Variants in ALKBH8 observed in about 807,000 individuals in gnomAD.
ALKBH8 encodes the protein alkB homolog 8, tRNA methyltransferase.
ALKBH8 carries 36 observed loss-of-function variants against 59.8 expected under a neutral mutation model. That is an observed-to-expected ratio of 0.60 (90% CI 0.46 to 0.79). The LOEUF (loss-of-function observed/expected upper bound fraction) is 0.79, where lower values mean the gene tolerates loss of function less well. Among genes scored for constraint, ALKBH8 ranks in the 30% least tolerant of loss-of-function variants. The pLI is 0.00. For synonymous variants in ALKBH8, 276 were observed against 273.6 expected, an observed-to-expected ratio of 1.01 and a Z score of -0.09; for missense variants, 768 against 801.0, an observed-to-expected ratio of 0.96 and a Z score of 0.50.
At chr11:107,525,349 A>G in intron 9 of ALKBH8, 92 bp downstream of exon 9, 1 of 1,192,160 alleles carries the variant, frequency 8.4e-7, no homozygotes, top group Middle Eastern at 2.3e-4. Flanking sequence ...AGAGAGATTC[A>G]GAAAAAGCTC....
intron 10 of ALKBH8, among the ~76,000 whole-genome samples, chr11:107,517,962 T>C (rs752370671): frequency 1.3e-5 from 2 of 152,224 alleles, no homozygotes; most frequent in Non-Finnish European, 1.5e-5. Flanking sequence ...GTTAATTTGC[T>C]AGATTTTGTC....
intron 10 of ALKBH8, among the ~76,000 whole-genome samples, chr11:107,514,837 T>C (rs1475877389): frequency 6.6e-6 from 1 of 151,668 alleles, no homozygotes; most frequent in Non-Finnish European, 1.5e-5. Context: ...AAAAAAAACC[T>C]CAGGGATAGG....
intron 4 of ALKBH8, 100 bp downstream of exon 4, chr11:107,553,747 A>T (rs1864589441): frequency 7.7e-7 from 1 of 1,300,544 alleles, no homozygotes; most frequent in Non-Finnish European, 1.0e-6. Context: ...GGCTAGTTTC[A>T]GTAATTTTGA....
intron 8 of ALKBH8, among the ~76,000 whole-genome samples, chr11:107,529,105 G>C (rs1202023531): frequency 6.6e-6 from 1 of 152,216 alleles, no homozygotes; most frequent in African/African-American, 2.4e-5. Flanking sequence ...TGAAACCAGA[G>C]TGCCTGGCTT....
intron 10 of ALKBH8, among the ~76,000 whole-genome samples, chr11:107,513,855 C>T (rs1862742167): frequency 2.0e-5 from 3 of 152,090 alleles, no homozygotes; most frequent in South Asian, 4.1e-4. Context: ...CACATGGACA[C>T]GAAGAAGGGA....
At chr11:107,537,796 T>G (rs1425828722) in intron 7 of ALKBH8, among the ~76,000 whole-genome samples, 1 of 152,014 alleles carries the variant, frequency 6.6e-6, no homozygotes, top group Non-Finnish European at 1.5e-5. Context: ...TGTCACACAA[T>G]ATGAAGACAA....
Position 107,515,875 on chromosome 11 carries a change from G to A in ALKBH8, c.1288-4839C>T, listed in dbSNP as rs573739726. ...TTCCTCTCATACAAAATACAAATTG[G>A]CTCAACCATTTAAAAGAGCAATTAG... On this transcript the variant is annotated intron_variant, in intron 10 of 11. Transcript: ENST00000428149. 3.3e-5 allele frequency among the ~76,000 whole-genome samples: 5 copies of A among 152,136 alleles called. No homozygotes were observed. In the South Asian group the frequency reaches 1.0e-3, roughly 32 times the overall value.
At chr11:107,552,806 A>C (rs1184350104) in intron 5 of ALKBH8, among the ~76,000 whole-genome samples, 1 of 152,206 alleles carries the variant, frequency 6.6e-6, no homozygotes, top group Non-Finnish European at 1.5e-5. Context: ...TATGAAAGCT[A>C]AAAACCAGAA....
intron 10 of ALKBH8, among the ~76,000 whole-genome samples, chr11:107,517,815 A>G (rs1445779005): frequency 6.6e-6 from 1 of 152,214 alleles, no homozygotes; most frequent in Non-Finnish European, 1.5e-5. Flanking sequence ...TTTAGATAGG[A>G]GGAATAAATT....
intron 7 of ALKBH8, among the ~76,000 whole-genome samples, chr11:107,538,684 G>A (rs537200855): frequency 4.0e-4 from 61 of 152,110 alleles, no homozygotes; most frequent in Non-Finnish European, 7.2e-4. Flanking sequence ...ATCTATCAAC[G>A]AAGAAAAGTT....
At position 107,503,453 on chromosome 11, in the gene ALKBH8, A is replaced by C. The variant is rs1168090062; in HGVS notation, c.*1205T>G. The C allele has an allele frequency of 6.6e-6, 1 of 152,182 alleles. No individual in the cohort carries two copies. The highest frequency in any genetic ancestry group is 1.5e-5 in the Non-Finnish European group (1 of 68,022). The allele number at this position is 152,182 out of a possible 1,614,324, so 9.4% of individuals were successfully genotyped here. ...AAACAGTCTTAAGCATTACTACTAC[A>C]AAAGTAATGCATACTGGGAGTAAAG... On this transcript the variant is annotated 3_prime_UTR_variant, in exon 12 of 12. Coordinates refer to ENST00000428149, the MANE Select transcript of ALKBH8 (RefSeq NM_138775.3).
chr11:107,535,578 T>C (rs189175689), intron 7 of ALKBH8, among the ~76,000 whole-genome samples: 19 of 152,338 alleles, frequency 1.2e-4, no homozygotes, highest in South Asian at 4.1e-4. Flanking sequence ...TCTATTCATG[T>C]CCTTAGCCCA....
chr11:107,516,000 A>G (rs1037726520), intron 10 of ALKBH8, among the ~76,000 whole-genome samples: 10 of 152,224 alleles, frequency 6.6e-5, no homozygotes, highest in Admixed American at 2.0e-4. Flanking sequence ...AATAGGGAAA[A>G]CACTAACCAG....
chr11:107,541,999 A>G (rs1185971355), intron 7 of ALKBH8, among the ~76,000 whole-genome samples: 1 of 152,212 alleles, frequency 6.6e-6, no homozygotes, highest in Non-Finnish European at 1.5e-5. Flanking sequence ...ACAGCATATT[A>G]ACACAGCAAA....
At chr11:107,537,236 A>G (rs1401933052) in intron 7 of ALKBH8, among the ~76,000 whole-genome samples, 1 of 152,238 alleles carries the variant, frequency 6.6e-6, no homozygotes, top group Non-Finnish European at 1.5e-5. Context: ...TCACAAATGA[A>G]TGTACAAGTA....
At chr11:107,554,003 T>C in intron 3 of ALKBH8, 25 bp from the exon 4 acceptor site, 1 of 1,611,880 alleles carries the variant, frequency 6.2e-7, no homozygotes, top group South Asian at 1.1e-5. Flanking sequence ...ATTAAAATAG[T>C]CACATGCAAA....
In ALKBH8 at chr11:107,565,694, T is replaced by G; in HGVS notation, c.-100A>C. 1 of 1,534,082 alleles carries G rather than the reference T, an allele frequency of 6.5e-7. No homozygotes were observed. Among genetic ancestry groups the G allele is most frequent in the Non-Finnish European group, 8.7e-7 (1 of 1,145,422 alleles). ...GCACCAGAACACCGCAGCGGATACT[T>G]GCACGCCATCTCCCCTGGGCGCGGC... is the stretch of plus-strand genomic sequence containing the variant. On this transcript the variant is annotated 5_prime_UTR_variant, in exon 1 of 12. Coordinates refer to ENST00000428149, the MANE Select transcript of ALKBH8 (RefSeq NM_138775.3).
chr11:107,510,889 C>G lies in ALKBH8; in HGVS notation c.1435G>C (p.Ala479Pro). ...SIAVIHHFATAERRVAALQEI... is the reference protein window; with the variant it reads ...SIAVIHHFATPERRVAALQEI... The stretch of plus-strand genomic sequence containing the variant: ...AGAGAAAGAAAGACCATACTTACTG[C>G]TGTTGCAAAATGATGAATAACAGCA... The change falls in exon 11 of 12, where the codon GCA becomes CCA. Residue 479 changes from alanine (A) to proline (P), a missense_variant and splice_region_variant. By Grantham distance (27) the Ala-to-Pro change is conservative (BLOSUM62 -1). Coordinates refer to ENST00000428149, the MANE Select transcript of ALKBH8 (RefSeq NM_138775.3). 4 of 1,551,126 alleles carry G rather than the reference C, an allele frequency of 2.6e-6. No individual in the cohort carries two copies. The highest frequency in any genetic ancestry group is 3.5e-6 in the Non-Finnish European group (4 of 1,146,752).
At chr11:107,546,462 C>T (rs543743185) in intron 7 of ALKBH8, among the ~76,000 whole-genome samples, 49 of 152,224 alleles carry the variant, frequency 3.2e-4, no homozygotes, top group African/African-American at 1.2e-3. Flanking sequence ...ATGTTATTGT[C>T]ATATAACCCG....
Sources: allele counts gnomAD v4.1 joint callset (sites outside exome capture counted in the v4.1 genomes callset), GRCh38; gene constraint gnomAD v4.1.1; transcripts MANE v1.5; gene names NCBI Gene and HGNC (gene_info 2026-07-23, HGNC 2026-07-21).